Variants in RASAL2 observed in about 807,000 individuals in gnomAD.
RASAL2 encodes the protein RAS protein activator like 2.
RASAL2 carries 58 observed loss-of-function variants against 128.9 expected under a neutral mutation model. The observed-to-expected ratio is 0.45, with a 90% CI of 0.36 to 0.56. The LOEUF is 0.56. RASAL2 is among the 20% of genes least tolerant of loss of function. RASAL2 has a pLI of 0.00. For synonymous variants in RASAL2, 561 were observed against 580.8 expected (o/e 0.97, Z 0.49); for missense variants, 1,360 against 1,601.6 (o/e 0.85, Z 2.57).
chr1:178,395,837 A>G (rs1380348095), intron 4 of RASAL2, among the ~76,000 whole-genome samples: 1 of 149,692 alleles, frequency 6.7e-6, no homozygotes, highest in Non-Finnish European at 1.5e-5. Flanking sequence ...GAGTATATTC[A>G]TATGTCTATG....
rs552810221 is a variant in RASAL2, at chr1:178,250,039, G to A, written c.203-33525G>A. Among the ~76,000 whole-genome samples the A allele has an allele frequency of 1.2e-3, 189 of 152,282 alleles. 2 individuals carry two copies. Among genetic ancestry groups the A allele is most frequent in the Middle Eastern group, 3.4e-3 (1 of 292 alleles). On this transcript the variant is annotated intron_variant, in intron 1 of 17. Transcript: ENST00000367649. ...TCCCACTCAGGAGGCTTGGCGGTCAGGGACCCACTTGAAGAGGCAGTCTGT... is the reference window on the plus strand; with the variant it reads ...TCCCACTCAGGAGGCTTGGCGGTCAAGGACCCACTTGAAGAGGCAGTCTGT...
chr1:178,343,950 C>G (rs986693779), intron 3 of RASAL2, among the ~76,000 whole-genome samples: 9 of 152,074 alleles, frequency 5.9e-5, no homozygotes, highest in Non-Finnish European at 1.3e-4. Context: ...AATCAGTATA[C>G]TTGGGATACC....
At chr1:178,304,085 T>A (rs546962296) in intron 3 of RASAL2, among the ~76,000 whole-genome samples, 195 of 152,188 alleles carry the variant, frequency 1.3e-3, no homozygotes, top group African/African-American at 4.5e-3. Context: ...TTAAAGAAAA[T>A]TTTAAAAAGA....
intron 1 of RASAL2, among the ~76,000 whole-genome samples, chr1:178,122,798 A>C (rs1445794603): frequency 1.3e-5 from 2 of 151,522 alleles, no homozygotes; most frequent in Admixed American, 1.3e-4. Flanking sequence ...TTTATAGCCT[A>C]GCTATTCATC....
intron 1 of RASAL2, among the ~76,000 whole-genome samples, chr1:178,120,636 T>C (rs1459892051): frequency 6.6e-6 from 1 of 152,236 alleles, no homozygotes; most frequent in Non-Finnish European, 1.5e-5. Context: ...GGTTTTGATA[T>C]GAGTCTGCAA....
intron 5 of RASAL2, among the ~76,000 whole-genome samples, chr1:178,423,808 T>C (rs981158892): frequency 2.6e-5 from 4 of 152,174 alleles, no homozygotes; most frequent in Admixed American, 6.6e-5. Context: ...ACTTACCTAT[T>C]TCCTTTGCCC....
chr1:178,278,941 G>A (rs1666650731), intron 1 of RASAL2, among the ~76,000 whole-genome samples: 1 of 152,138 alleles, frequency 6.6e-6, no homozygotes, highest in African/African-American at 2.4e-5. Context: ...ACACATGAGA[G>A]ATCTATTGTT....
At chr1:178,200,769 C>T (rs938546720) in intron 1 of RASAL2, among the ~76,000 whole-genome samples, 3 of 152,132 alleles carry the variant, frequency 2.0e-5, no homozygotes, top group African/African-American at 2.4e-5. Flanking sequence ...AGGACCCTGA[C>T]GAAGCTGGGG....
chr1:178,138,997 AAAAG>A (rs1256815720), intron 1 of RASAL2, among the ~76,000 whole-genome samples: 2 of 152,086 alleles, frequency 1.3e-5, no homozygotes, highest in Admixed American at 6.6e-5. Context: ...GACATTTTGA[AAAAG>A]AAAGGTAAAT....
chr1:178,183,109 C>CT (rs976459016), intron 1 of RASAL2, among the ~76,000 whole-genome samples: 2 of 152,152 alleles, frequency 1.3e-5, no homozygotes, highest in African/African-American at 4.8e-5. Flanking sequence ...AGGCCATGGA[C>CT]TGGTACCAGT....
In RASAL2 at chr1:178,311,253, A is replaced by ACAC. The variant is rs1668232217; in HGVS notation, c.457+11135_457+11136insCAC. 6.3e-5 allele frequency among the ~76,000 whole-genome samples: 9 copies of ACAC among 143,704 alleles called. No homozygotes were observed. In the South Asian group the frequency reaches 1.3e-3, roughly 21 times the overall value. The allele number at this position is 143,704 out of a possible 152,430, so 94.3% of individuals were successfully genotyped here. A position where few individuals can be genotyped will look rare whatever the true frequency, so the allele number is the denominator to read the frequency against. ...AAGAAAACAGCCATACACACACACA[A>ACAC]ACACACACACACACACACACACACA... On this transcript the variant is annotated intron_variant, in intron 3 of 17. Transcript: ENST00000367649.
At chr1:178,297,230 C>A (rs997440543) in intron 2 of RASAL2, among the ~76,000 whole-genome samples, 2 of 152,058 alleles carry the variant, frequency 1.3e-5, no homozygotes, top group Admixed American at 1.3e-4. Flanking sequence ...TATATTTCAG[C>A]TTGGGTCATT....
chr1:178,105,298 A>G (rs1053666944), intron 1 of RASAL2, among the ~76,000 whole-genome samples: 3 of 152,246 alleles, frequency 2.0e-5, no homozygotes, highest in African/African-American at 7.2e-5. Flanking sequence ...ATCATATTTT[A>G]TATAGACCGT....
chr1:178,444,696 C>T (rs1676881335), intron 8 of RASAL2, among the ~76,000 whole-genome samples: 1 of 151,862 alleles, frequency 6.6e-6, no homozygotes, highest in Admixed American at 6.6e-5. Context: ...GATGGATGGA[C>T]GGATGGATGG....
intron 3 of RASAL2, among the ~76,000 whole-genome samples, chr1:178,388,409 C>T (rs1157134656): frequency 7.2e-5 from 11 of 152,150 alleles, no homozygotes; most frequent in Admixed American, 6.5e-4. Context: ...TCATGTGTGC[C>T]TAATTCTGAG....
At chr1:178,248,676 G>C (rs1168605519) in intron 1 of RASAL2, among the ~76,000 whole-genome samples, 1 of 152,126 alleles carries the variant, frequency 6.6e-6, no homozygotes, top group Non-Finnish European at 1.5e-5. Context: ...TGCAGTAATT[G>C]GTACCAGTTT....
chr1:178,189,714 G>A (rs1170910329), intron 1 of RASAL2, among the ~76,000 whole-genome samples: 1 of 152,090 alleles, frequency 6.6e-6, no homozygotes, highest in Non-Finnish European at 1.5e-5. Flanking sequence ...ATACATCCCT[G>A]GGAGTACAAA....
Position 178,228,612 on chromosome 1 carries a change from A to G in RASAL2, c.203-54952A>G, listed in dbSNP as rs571970371. On this transcript the variant is annotated intron_variant, in intron 1 of 17. Transcript: ENST00000367649. ...AAAAAGAATTTTGGTAGTTTTTCGA[A>G]ACAATTGTGTTGATGGTTTACAAAA... 9.0e-4 allele frequency among the ~76,000 whole-genome samples: 137 copies of G among 151,988 alleles called. 7 individuals carry two copies. In the South Asian group the frequency reaches 0.028, roughly 31 times the overall value.
intron 1 of RASAL2, among the ~76,000 whole-genome samples, chr1:178,144,810 T>G (rs990475850): frequency 7.9e-5 from 12 of 152,228 alleles, no homozygotes; most frequent in African/African-American, 2.9e-4. Flanking sequence ...CTAGGAGATT[T>G]GCCCATGGAT....
Sources: gnomAD v4.1 joint callset for allele counts (sites outside exome capture counted in the v4.1 genomes callset) on GRCh38, gnomAD v4.1.1 for gene constraint, MANE v1.5 for transcripts, NCBI Gene and HGNC (gene_info 2026-07-23, HGNC 2026-07-21) for gene names.